The following RERE variants were observed in gnomAD, a reference collection of about 807,000 sequenced individuals.
The protein encoded by RERE is arginine-glutamic acid dipeptide repeats protein.
RERE carries 40 observed loss-of-function variants against 146.1 expected under a neutral mutation model. The ratio of observed to expected loss-of-function variants is 0.27; its 90% CI spans 0.21 to 0.36. The LOEUF (loss-of-function observed/expected upper bound fraction) is 0.36. Ranked by LOEUF, RERE falls within the 10% of genes least tolerant of loss-of-function variation. RERE has a pLI of 1.00. For synonymous variants in RERE, 1,003 were observed against 866.0 expected, an observed-to-expected ratio of 1.16 and a Z score of -2.78; for missense variants, 1,933 against 2,138.7, an observed-to-expected ratio of 0.90 and a Z score of 1.90.
Position 8,364,932 on chromosome 1 carries a change from G to C in RERE, c.1448-94C>G, listed in dbSNP as rs1158086790. 3 of 742,710 alleles carry C rather than the reference G, an allele frequency of 4.0e-6. No homozygotes were observed. In the Admixed American group the frequency reaches 6.1e-5, roughly 15 times the overall value. The allele number at this position is 742,710 out of a possible 1,614,324, so 46.0% of individuals were successfully genotyped here. On this transcript the variant is annotated intron_variant, in intron 13 of 22. Coordinates refer to ENST00000400908, the MANE Select transcript of RERE (RefSeq NM_001042681.2). The surrounding 1 kb of genome is among the most constrained non-coding windows in gnomAD (Gnocchi z 5.1). The stretch of plus-strand genomic sequence containing the variant: ...GGGTGGGGGGGAGGGGGGAACACCT[G>C]TGACCTCTGGCCTACTGCAGGTTCT...
At chr1:8,776,545 G>A (rs932404875) in intron 1 of RERE, among the ~76,000 whole-genome samples, 4 of 152,134 alleles carry the variant, frequency 2.6e-5, no homozygotes, top group East Asian at 3.8e-4. Flanking sequence ...TGATCTGCCC[G>A]GCTTGGCCTC....
At chr1:8,398,294 C>A (rs1643126070) in intron 12 of RERE, among the ~76,000 whole-genome samples, 1 of 152,162 alleles carries the variant, frequency 6.6e-6, no homozygotes, top group Admixed American at 6.5e-5. Context: ...CTGATTTGGA[C>A]CACAGTATAA....
rs144208299 is a variant in RERE, at chr1:8,719,159, G to A, written c.-144-62718C>T. On this transcript the variant is annotated intron_variant, in intron 1 of 22. Transcript: ENST00000400908. ...ATGTGAACTGGGAAGGAGTGTGTCC[G>A]GACAGATGCTCAGCTGGGTTCTGCA... Among the ~76,000 whole-genome samples the A allele has an allele frequency of 2.4e-4, 37 of 152,094 alleles. No individual in the cohort carries two copies. The East Asian group carries it at 4.8e-3, about 20-fold the overall frequency.
chr1:8,657,628 C>T (rs1368657561), intron 1 of RERE, among the ~76,000 whole-genome samples: 3 of 152,116 alleles, frequency 2.0e-5, no homozygotes, highest in Non-Finnish European at 4.4e-5. Flanking sequence ...AGGGGGATCA[C>T]GTGAGGTCAG....
rs774753935 is a variant in RERE at position 8,358,371 on chromosome 1, G to A, written c.4164C>T (p.Pro1388=). The A allele has an allele frequency of 2.4e-5, 39 of 1,609,524 alleles. No individual in the cohort carries two copies. The highest frequency in any genetic ancestry group is 1.3e-4 in the African/African-American group (10 of 74,888). ...CCAGTCTGTCAGGGTAGCTCATCTCGGGCCGCAGCTGGGGGCCCGCCAGGG... is the reference window on the plus strand; with the variant it reads ...CCAGTCTGTCAGGGTAGCTCATCTCAGGCCGCAGCTGGGGGCCCGCCAGGG... ...RLALAGPQLR[P]EMSYPDRLAA... is the part of the protein sequence containing the mutation. The change falls in exon 20 of 23, where the codon CCC becomes CCT. Residue 1388 remains proline, a synonymous_variant. Coordinates refer to ENST00000400908, the MANE Select transcript of RERE (RefSeq NM_001042681.2).
intron 10 of RERE, among the ~76,000 whole-genome samples, chr1:8,482,108 T>C (rs1422145274): frequency 1.3e-5 from 2 of 152,178 alleles, no homozygotes; most frequent in African/African-American, 4.8e-5. Context: ...TATTATATGA[T>C]GCCATTTATA....
At chr1:8,656,623 G>A (rs1204668712) in intron 1 of RERE, among the ~76,000 whole-genome samples, 182 bp from the exon 2 acceptor site, 3 of 152,060 alleles carry the variant, frequency 2.0e-5, no homozygotes, top group Non-Finnish European at 4.4e-5. Flanking sequence ...AATGGTTTGG[G>A]GTTTTTTATG....
chr1:8,599,228 A>G (rs1646592083), intron 4 of RERE, among the ~76,000 whole-genome samples: 1 of 152,168 alleles, frequency 6.6e-6, no homozygotes, highest in Admixed American at 6.5e-5. Flanking sequence ...TTTCTTTTTC[A>G]ATCGAGGAGC....
At chr1:8,584,772 T>C (rs913158201) in intron 4 of RERE, among the ~76,000 whole-genome samples, 1 of 152,230 alleles carries the variant, frequency 6.6e-6, no homozygotes, top group Admixed American at 6.5e-5. Flanking sequence ...TTTTTTATTT[T>C]ACTGTTTCCA....
rs3050828 is a variant in RERE, at chr1:8,545,982, C to CTTTTTTTTTTTTTTTTTTTTTTTTTTT, written c.726-4665_726-4664insAAAAAAAAAAAAAAAAAAAAAAAAAAA. Reference sequence around the variant, plus strand: ...ACAGGTGCAAGCTACCATACCCAGTCTTTTTTTTTTTTTTTTTTTTTTTTT... The same window carrying CTTTTTTTTTTTTTTTTTTTTTTTTTTT: ...ACAGGTGCAAGCTACCATACCCAGTCTTTTTTTTTTTTTTTTTTTTTTTTTTTTTTTTTTTTTTTTTTTTTTTTTTTT... On this transcript the variant is annotated intron_variant, in intron 6 of 22. Coordinates refer to ENST00000400908, the MANE Select transcript of RERE (RefSeq NM_001042681.2). 7.2e-5 allele frequency among the ~76,000 whole-genome samples: 5 copies of CTTTTTTTTTTTTTTTTTTTTTTTTTTT among 69,478 alleles called. 1 individual carries two copies. Among genetic ancestry groups the CTTTTTTTTTTTTTTTTTTTTTTTTTTT allele is most frequent in the African/African-American group, 2.4e-4 (4 of 16,698 alleles). 45.6% of individuals were successfully genotyped at this position (69,478 alleles called of 152,430 possible).
At chr1:8,355,722 GC>G in intron 21 of RERE, 123 bp from the exon 22 acceptor site, 1 of 837,738 alleles carries the variant, frequency 1.2e-6, no homozygotes. Context: ...ACAGGAGCCA[GC>G]CCCTCCCAGA....
intron 4 of RERE, among the ~76,000 whole-genome samples, chr1:8,567,227 G>C (rs1275533471): frequency 6.6e-6 from 1 of 152,168 alleles, no homozygotes; most frequent in East Asian, 1.9e-4. Context: ...CAAAACCTAT[G>C]AGTGGTATTC....
At chr1:8,378,295 T>G (rs1642330865) in intron 12 of RERE, among the ~76,000 whole-genome samples, 1 of 152,236 alleles carries the variant, frequency 6.6e-6, no homozygotes, top group Non-Finnish European at 1.5e-5. Flanking sequence ...AACCAGGCCC[T>G]GGCTTCTCTG....
At chr1:8,391,667 A>C (rs56190394) in intron 12 of RERE, among the ~76,000 whole-genome samples, 2,288 of 152,264 alleles carry the variant, frequency 0.015, 60 homozygotes, top group African/African-American at 0.052. Context: ...TACTCAGCAG[A>C]TTTCCATTAT....
chr1:8,381,446 G>A (rs1361398265), intron 12 of RERE, among the ~76,000 whole-genome samples: 1 of 152,132 alleles, frequency 6.6e-6, no homozygotes, highest in African/African-American at 2.4e-5. Flanking sequence ...AAACAGAGGA[G>A]TCACTAACAG....
intron 4 of RERE, among the ~76,000 whole-genome samples, chr1:8,611,110 G>C (rs1036203950): frequency 3.9e-5 from 6 of 152,070 alleles, no homozygotes; most frequent in African/African-American, 1.4e-4. Flanking sequence ...CAGGAGAATT[G>C]CTTGAACCCG....
chr1:8,685,635 T>C (rs1639070366), intron 1 of RERE, among the ~76,000 whole-genome samples: 1 of 152,104 alleles, frequency 6.6e-6, no homozygotes. Flanking sequence ...TACTCTACTG[T>C]TTAGAATCGT....
In RERE at chr1:8,647,641, A is replaced by ATATGTGTGTGTGTGTGTG. The variant is rs371893375; in HGVS notation, c.325+8331_325+8332insCACACACACACACACATA. ...AAATGAGCTTCTATTTAAAATATGT[A>ATATGTGTGTGTGTGTGTG]TGTGTGTGTGTGTGTGTGTGTGTGT... On this transcript the variant is annotated intron_variant, in intron 2 of 22. Transcript: ENST00000400908. Among the ~76,000 whole-genome samples, 63 of 148,642 alleles carry ATATGTGTGTGTGTGTGTG rather than the reference A, an allele frequency of 4.2e-4. 1 individual carries two copies. The highest frequency in any genetic ancestry group is 1.3e-3 in the South Asian group (6 of 4,600).
intron 1 of RERE, among the ~76,000 whole-genome samples, chr1:8,791,881 A>C (rs1641369823): frequency 6.6e-6 from 1 of 152,248 alleles, no homozygotes; most frequent in South Asian, 2.1e-4. Context: ...TTAAAGACAA[A>C]GGACACCATC....
Sources: allele counts gnomAD v4.1 joint callset (sites outside exome capture counted in the v4.1 genomes callset), GRCh38; gene constraint gnomAD v4.1.1; non-coding constraint Gnocchi (gnomAD v3.1); transcripts MANE v1.5; gene names NCBI Gene and HGNC (gene_info 2026-07-23, HGNC 2026-07-21).